IGSF10: variants seen among roughly 807,000 people sequenced by gnomAD.
The protein encoded by IGSF10 is calvaria mechanical force protein 608.
A neutral mutation model predicts 128.2 loss-of-function variants in IGSF10; 126 were observed. The ratio of observed to expected loss-of-function variants is 0.98; its 90% CI spans 0.85 to 1.14. IGSF10 has a LOEUF of 1.14. IGSF10 is among the 50% of genes most tolerant of loss of function. The probability of loss-of-function intolerance (pLI) is 0.00; values close to 1 mark genes in which losing one functional copy is unlikely to be tolerated. For missense variants in IGSF10, 3,295 were observed against 3,149.8 expected, an observed-to-expected ratio of 1.05 and a Z score of -1.10; for synonymous variants, 1,185 against 1,146.2, an observed-to-expected ratio of 1.03 and a Z score of -0.68.
At chr3:151,491,695 G>A in the IGSF10 span, among the ~76,000 whole-genome samples, 186 of 152,222 alleles carry the variant, frequency 1.2e-3, no homozygotes, top group Admixed American at 2.3e-3. Flanking sequence ...AGGACCAGAT[G>A]GCTTCACAGC....
At chr3:151,573,892 C>T in the IGSF10 span, among the ~76,000 whole-genome samples, 1 of 152,292 alleles carries the variant, frequency 6.6e-6, no homozygotes, top group Admixed American at 6.5e-5. Flanking sequence ...ATGTTTAGTG[C>T]TTCCTTCAGG....
chr3:151,577,881 A>G, the IGSF10 span, among the ~76,000 whole-genome samples: 1 of 152,208 alleles, frequency 6.6e-6, no homozygotes, highest in South Asian at 2.1e-4. Flanking sequence ...GGAGACCACC[A>G]GACAAGTGGG....
At position 151,445,211 on chromosome 3, in the gene IGSF10, T is replaced by C; in HGVS notation, c.4770A>G (p.Pro1590=). ...CTGTAGTAGCCAACATGCTTACTTC[T>C]GGCTTTTTGCCTTTTTCAGCAATTT... ...YSEIAEKGKK[P]EVSMLATTGL... is the part of the protein sequence containing the mutation. The change falls in exon 6 of 8, where the codon CCA becomes CCG. Residue 1590 remains proline, a synonymous_variant. Coordinates refer to ENST00000282466, the MANE Select transcript of IGSF10 (RefSeq NM_178822.5). The C allele has an allele frequency of 6.2e-7, 1 of 1,614,282 alleles. No individual in the cohort carries two copies. The highest frequency in any genetic ancestry group is 8.5e-7 in the Non-Finnish European group (1 of 1,180,056).
the IGSF10 span, among the ~76,000 whole-genome samples, chr3:151,599,362 C>T: frequency 3.3e-5 from 5 of 152,138 alleles, no homozygotes; most frequent in African/African-American, 1.2e-4. Context: ...AGCTTTTATT[C>T]TCTAGTCTAA....
intron 4 of IGSF10, 48 bp downstream of exon 4, chr3:151,456,978 G>A (rs1305452022): frequency 7.5e-6 from 12 of 1,606,122 alleles, no homozygotes; most frequent in Non-Finnish European, 9.4e-6. Flanking sequence ...CTATCTCACA[G>A]GTCCCACCTT....
At chr3:151,602,603 T>C in the IGSF10 span, among the ~76,000 whole-genome samples, 1 of 152,278 alleles carries the variant, frequency 6.6e-6, no homozygotes, top group East Asian at 1.9e-4. Context: ...TTCTCTCCTT[T>C]CCACCTCTCA....
chr3:151,565,452 G>A, the IGSF10 span, among the ~76,000 whole-genome samples: 1 of 152,046 alleles, frequency 6.6e-6, no homozygotes, highest in Non-Finnish European at 1.5e-5. Context: ...TGGCATCCTG[G>A]GAGCTCCTGG....
chr3:151,580,339 T>G, the IGSF10 span, among the ~76,000 whole-genome samples: 3 of 152,002 alleles, frequency 2.0e-5, no homozygotes, highest in Non-Finnish European at 4.4e-5. Context: ...TAAAGGAAGT[T>G]CTTTAGGCAA....
At chr3:151,495,050 T>C in the IGSF10 span, among the ~76,000 whole-genome samples, 3 of 152,156 alleles carry the variant, frequency 2.0e-5, no homozygotes, top group Non-Finnish European at 2.9e-5. Context: ...TTGTACATAC[T>C]ACCATGTGGT....
chr3:151,614,912 C>T, the IGSF10 span, among the ~76,000 whole-genome samples: 1 of 149,462 alleles, frequency 6.7e-6, no homozygotes. Context: ...AAAAAAGAAG[C>T]CTGTAATGTA....
At chr3:151,454,143 G>A (rs1721664374) in intron 4 of IGSF10, among the ~76,000 whole-genome samples, 1 of 151,382 alleles carries the variant, frequency 6.6e-6, no homozygotes, top group South Asian at 2.1e-4. Context: ...TCAGCCTCCT[G>A]AGTAGCTGGG....
At chr3:151,568,674 G>C in the IGSF10 span, among the ~76,000 whole-genome samples, 1 of 152,024 alleles carries the variant, frequency 6.6e-6, no homozygotes, top group Non-Finnish European at 1.5e-5. Flanking sequence ...TTTTAGTATA[G>C]CAACACTACC....
At chr3:151,468,952 T>G in the IGSF10 span, among the ~76,000 whole-genome samples, 1 of 152,198 alleles carries the variant, frequency 6.6e-6, no homozygotes, top group Non-Finnish European at 1.5e-5. Flanking sequence ...GTGTTCTCAT[T>G]GTTCAGCTCC....
downstream of IGSF10, chr3:151,434,424 A>C (rs1467988974): frequency 6.6e-6 from 1 of 152,208 alleles, no homozygotes; most frequent in Non-Finnish European, 1.5e-5. Flanking sequence ...ATTTCACTCC[A>C]GCCTGCCCAT....
chr3:151,604,953 T>C, the IGSF10 span, among the ~76,000 whole-genome samples: 1 of 152,214 alleles, frequency 6.6e-6, no homozygotes, highest in African/African-American at 2.4e-5. Context: ...TGAATATACA[T>C]TGTTGATTCA....
chr3:151,541,344 A>G, the IGSF10 span, among the ~76,000 whole-genome samples: 25 of 152,200 alleles, frequency 1.6e-4, no homozygotes, highest in African/African-American at 6.0e-4. Context: ...AAACAGTAAA[A>G]TTTGTTATGA....
At chr3:151,485,526 A>G in the IGSF10 span, among the ~76,000 whole-genome samples, 6 of 151,772 alleles carry the variant, frequency 4.0e-5, no homozygotes, top group African/African-American at 1.2e-4. Flanking sequence ...GAAATGAAAG[A>G]AAAAATGTAA....
Position 151,446,763 on chromosome 3 carries a change from G to A in IGSF10, c.3218C>T (p.Thr1073Ile). 1 of 1,614,130 alleles carries A rather than the reference G, an allele frequency of 6.2e-7. No individual in the cohort carries two copies. Residue 1073 changes from threonine (T) to isoleucine (I), a missense_variant, in exon 6 of 8, where the codon ACC becomes ATC. Thr to Ile is a moderately conservative substitution (Grantham distance 89). Transcript: ENST00000282466. ...AAAAGACAATGCTGCTGTGGCAGTG[G>A]TGAGCCTCTCCCTGGGAAGACAGGA... is the stretch of plus-strand genomic sequence containing the variant. Reference protein sequence around the residue: ...CLSCLPRERLTTATAALSFPS... With the variant: ...CLSCLPRERLITATAALSFPS...
chr3:151,546,514 A>AT, the IGSF10 span, among the ~76,000 whole-genome samples: 204 of 142,672 alleles, frequency 1.4e-3, no homozygotes, highest in South Asian at 5.9e-3. Context: ...TGCCTGGCTA[A>AT]TTTTTTTTTT....
Sources: allele counts gnomAD v4.1 joint callset (sites outside exome capture counted in the v4.1 genomes callset), GRCh38; gene constraint gnomAD v4.1.1; transcripts MANE v1.5; gene names NCBI Gene and HGNC (gene_info 2026-07-23, HGNC 2026-07-21).